The following PRELID2 variants were observed in gnomAD, a reference collection of about 807,000 sequenced individuals.
PRELID2 encodes PRELI domain containing 2.
Under a neutral mutation model 28.4 loss-of-function variants are expected in PRELID2, and 25 were observed. The observed-to-expected ratio is 0.88, with a 90% CI of 0.64 to 1.23. The LOEUF (loss-of-function observed/expected upper bound fraction) is 1.23, where lower values mean the gene tolerates loss of function less well. Ranked by LOEUF, PRELID2 falls within the 50% of genes most tolerant of loss-of-function variation. PRELID2 has a pLI of 0.00. For missense variants in PRELID2, 201 were observed against 214.4 expected, an observed-to-expected ratio of 0.94 and a Z score of 0.39; for synonymous variants, 76 against 71.6, an observed-to-expected ratio of 1.06 and a Z score of -0.31.
intron 5 of PRELID2, among the ~76,000 whole-genome samples, chr5:145,772,195 C>CTT (rs1048644570): frequency 6.9e-6 from 1 of 145,794 alleles, no homozygotes; most frequent in African/African-American, 2.5e-5. Flanking sequence ...CCCATCTCCC[C>CTT]TTTTTTTTTT....
chr5:145,240,255 G>C, the PRELID2 span, among the ~76,000 whole-genome samples: 1,855 of 151,500 alleles, frequency 0.012, 11 homozygotes, highest in Non-Finnish European at 0.02. Flanking sequence ...TTTTTCATCA[G>C]ACAGGGAAAG....
At chr5:145,807,713 C>T (rs1481206626) in intron 4 of PRELID2, among the ~76,000 whole-genome samples, 1 of 152,126 alleles carries the variant, frequency 6.6e-6, no homozygotes, top group Non-Finnish European at 1.5e-5. Context: ...CCCACAACCC[C>T]CCGACCCTGC....
At chr5:145,402,611 A>G in the PRELID2 span, among the ~76,000 whole-genome samples, 2 of 152,070 alleles carry the variant, frequency 1.3e-5, no homozygotes, top group African/African-American at 4.8e-5. Flanking sequence ...AAAATGTTTA[A>G]CCTCTCTGAG....
chr5:145,251,921 C>T, the PRELID2 span, among the ~76,000 whole-genome samples: 3 of 152,054 alleles, frequency 2.0e-5, no homozygotes, highest in Non-Finnish European at 2.9e-5. Context: ...AATTTCCTAC[C>T]CTTTCCCTCT....
the PRELID2 span, among the ~76,000 whole-genome samples, chr5:145,369,871 A>G: frequency 6.6e-6 from 1 of 151,884 alleles, no homozygotes; most frequent in Non-Finnish European, 1.5e-5. Context: ...TCTAATGACC[A>G]GTGATGTTGA....
chr5:145,413,268 T>A, the PRELID2 span, among the ~76,000 whole-genome samples: 1 of 151,986 alleles, frequency 6.6e-6, no homozygotes, highest in South Asian at 2.1e-4. Context: ...GAAATGCAAA[T>A]CATAACCAAA....
intron 1 of PRELID2, among the ~76,000 whole-genome samples, chr5:145,610,953 A>T (rs1235456290): frequency 6.7e-6 from 1 of 149,018 alleles, no homozygotes; most frequent in African/African-American, 2.4e-5. Flanking sequence ...CAGTAAACAA[A>T]ATAAAGAAAT....
chr5:145,692,242 T>A (rs1755165876), intron 1 of PRELID2, among the ~76,000 whole-genome samples: 1 of 152,198 alleles, frequency 6.6e-6, no homozygotes, highest in South Asian at 2.1e-4. Context: ...TTGAGTTGAT[T>A]GGTAAATAGA....
intron 1 of PRELID2, among the ~76,000 whole-genome samples, chr5:145,515,837 T>A (rs974973846): frequency 6.6e-6 from 1 of 152,182 alleles, no homozygotes; most frequent in African/African-American, 2.4e-5. Context: ...TGGTTCAGCA[T>A]ACCTAAAACA....
At chr5:145,768,279 G>A (rs778136691) in intron 5 of PRELID2, among the ~76,000 whole-genome samples, 16 of 148,006 alleles carry the variant, frequency 1.1e-4, no homozygotes, top group South Asian at 8.7e-4. Context: ...GACAAGGGAC[G>A]AAACAACCAG....
At chr5:145,413,113 A>C in the PRELID2 span, among the ~76,000 whole-genome samples, 1 of 152,284 alleles carries the variant, frequency 6.6e-6, no homozygotes, top group African/African-American at 2.4e-5. Flanking sequence ...AATATCCAGA[A>C]CCCACAAAGA....
chr5:145,389,566 C>T, the PRELID2 span, among the ~76,000 whole-genome samples: 1 of 152,094 alleles, frequency 6.6e-6, no homozygotes, highest in East Asian at 1.9e-4. Flanking sequence ...TTCCAAGGAG[C>T]TCAAATAAGT....
intron 1 of PRELID2, among the ~76,000 whole-genome samples, chr5:145,595,928 T>C (rs1436491634): frequency 6.6e-6 from 1 of 151,466 alleles, no homozygotes; most frequent in Non-Finnish European, 1.5e-5. Flanking sequence ...TTCACTCATA[T>C]CTATTCAAAA....
chr5:145,817,951 T>C lies in PRELID2; in HGVS notation c.311A>G (p.Gln104Arg), dbSNP rs138344642. 3.8e-5 allele frequency: 60 copies of C among 1,599,030 alleles called. No individual in the cohort carries two copies. The highest frequency in any genetic ancestry group is 1.7e-4 in the Middle Eastern group (1 of 5,980). Residue 104 changes from glutamine to arginine, a missense_variant, in exon 4 of 7, where the codon CAG becomes CGG. Gln to Arg is a conservative substitution (Grantham distance 43). Coordinates refer to ENST00000683046, the MANE Select transcript of PRELID2 (RefSeq NM_205846.3). ...AGACTCTTCCTTCATGGATGCATAC[T>C]GTGTCCACGTAAGGCAGTGACTCCG... is the stretch of plus-strand genomic sequence containing the variant. ...AIRSHCLTWT[Q>R]YASMKEESVF... is the part of the protein sequence containing the mutation.
Position 145,835,318 on chromosome 5 carries a change from C to T in PRELID2, c.-67G>A. The T allele has an allele frequency of 8.6e-7, 1 of 1,161,920 alleles. No homozygotes were observed. The highest frequency in any genetic ancestry group is 1.2e-6 in the Non-Finnish European group (1 of 810,660). 72.0% of individuals were successfully genotyped at this position (1,161,920 alleles called of 1,614,324 possible). On this transcript the variant is annotated 5_prime_UTR_variant, in exon 1 of 7. Transcript: ENST00000683046. ...GAGCTCAGAGCTGCCCAGGGCTCCG[C>T]AGAGGCCCGGAGGCGCCCACACTCG...
the PRELID2 span, among the ~76,000 whole-genome samples, chr5:145,334,085 A>C: frequency 4.3e-4 from 66 of 152,192 alleles, no homozygotes; most frequent in African/African-American, 1.5e-3. Flanking sequence ...GCTTTGGCTC[A>C]ACCTCCATAG....
At chr5:145,374,554 G>C in the PRELID2 span, among the ~76,000 whole-genome samples, 1 of 152,020 alleles carries the variant, frequency 6.6e-6, no homozygotes, top group Non-Finnish European at 1.5e-5. Flanking sequence ...AAGTTTCCCT[G>C]GTTAATATCC....
At chr5:145,448,524 G>A in the PRELID2 span, among the ~76,000 whole-genome samples, 1 of 152,052 alleles carries the variant, frequency 6.6e-6, no homozygotes. Flanking sequence ...TGAAGGCAGG[G>A]GTTGCAATCC....
chr5:145,691,757 T>C (rs1375172070), intron 1 of PRELID2, among the ~76,000 whole-genome samples: 1 of 151,164 alleles, frequency 6.6e-6, no homozygotes, highest in Non-Finnish European at 1.5e-5. Flanking sequence ...TTTCACAGAG[T>C]CCAAAAATCT....
Sources: allele counts gnomAD v4.1 joint callset (sites outside exome capture counted in the v4.1 genomes callset), GRCh38; gene constraint gnomAD v4.1.1; transcripts MANE v1.5; gene names NCBI Gene and HGNC (gene_info 2026-07-23, HGNC 2026-07-21).